EYS: variants seen among roughly 807,000 people sequenced by gnomAD.
EYS encodes the protein EGF-like photoreceptor maintenance factor, also known as protein eyes shut homolog.
In EYS, 250 loss-of-function variants were observed where a neutral mutation model predicts 282.1. The ratio of observed to expected loss-of-function variants is 0.89; its 90% CI spans 0.80 to 0.98. EYS has a LOEUF of 0.98. Among genes scored for constraint, EYS ranks in the 50% least tolerant of loss-of-function variants. EYS has a pLI of 0.00. For synonymous variants in EYS, 1,355 were observed against 1,282.9 expected (o/e 1.06, Z -1.20); for missense variants, 4,016 against 3,709.0 (o/e 1.08, Z -2.15).
chr6:64,151,267 ATAAAT>A (rs1254328601), intron 31 of EYS, among the ~76,000 whole-genome samples: 2 of 144,774 alleles, frequency 1.4e-5, no homozygotes, highest in African/African-American at 5.2e-5. Context: ...TTCAGTGAAA[ATAAAT>A]TACAGTGGAA....
intron 26 of EYS, among the ~76,000 whole-genome samples, chr6:64,567,428 C>T (rs906443180): frequency 1.3e-5 from 2 of 152,060 alleles, no homozygotes; most frequent in Non-Finnish European, 2.9e-5. Context: ...TGAAGACATT[C>T]TAGGTGTCAA....
At chr6:65,593,434 T>A (rs1238235210) in intron 2 of EYS, among the ~76,000 whole-genome samples, 1 of 152,174 alleles carries the variant, frequency 6.6e-6, no homozygotes, top group African/African-American at 2.4e-5. Flanking sequence ...ATCAATGCCT[T>A]AGGGCATGGG....
At position 64,046,285 on chromosome 6, in the gene EYS, C is replaced by T. The variant is rs145889728; in HGVS notation, c.6725+20053G>A. Among the ~76,000 whole-genome samples the T allele has an allele frequency of 9.2e-3, 1,397 of 151,940 alleles. 31 individuals are homozygous for T. The highest frequency in any genetic ancestry group is 0.031 in the African/African-American group (1,288 of 41,476). ...ACAATTTGAAGGGATCGATTTCAGACCTAAAATACAAAAAGGAATCTAAGG... is the reference window on the plus strand; with the variant it reads ...ACAATTTGAAGGGATCGATTTCAGATCTAAAATACAAAAAGGAATCTAAGG... On this transcript the variant is annotated intron_variant, in intron 33 of 42. Coordinates refer to ENST00000503581, the MANE Select transcript of EYS (RefSeq NM_001142800.2).
chr6:65,497,852 T>C (rs1010159652), intron 2 of EYS, among the ~76,000 whole-genome samples: 12 of 152,124 alleles, frequency 7.9e-5, no homozygotes, highest in South Asian at 2.1e-4. Context: ...GTCACAATTT[T>C]GAAGAACCTG....
At chr6:64,285,487 TG>T (rs1279104310) in intron 30 of EYS, among the ~76,000 whole-genome samples, 1 of 152,216 alleles carries the variant, frequency 6.6e-6, no homozygotes, top group East Asian at 1.9e-4. Flanking sequence ...TCAGTATTTT[TG>T]TCAAAGCCAT....
At chr6:63,981,985 T>C (rs954675383) in intron 35 of EYS, among the ~76,000 whole-genome samples, 5 of 151,994 alleles carry the variant, frequency 3.3e-5, no homozygotes, top group African/African-American at 1.2e-4. Context: ...ATATACATCC[T>C]GTTAGGAAGA....
At chr6:64,170,451 C>A (rs533046142) in intron 31 of EYS, among the ~76,000 whole-genome samples, 45 of 152,008 alleles carry the variant, frequency 3.0e-4, no homozygotes, top group African/African-American at 1.1e-3. Flanking sequence ...AAGGCCATAC[C>A]CCTTCTGAAG....
intron 2 of EYS, among the ~76,000 whole-genome samples, chr6:65,576,064 T>G (rs909929892): frequency 2.0e-5 from 3 of 151,968 alleles, no homozygotes; most frequent in Non-Finnish European, 4.4e-5. Flanking sequence ...AGATAATACT[T>G]CCAAATGGAT....
chr6:65,460,299 A>C (rs1764784057), intron 5 of EYS, among the ~76,000 whole-genome samples: 1 of 151,666 alleles, frequency 6.6e-6, no homozygotes, highest in African/African-American at 2.4e-5. Flanking sequence ...TTATATATAA[A>C]ATACAAATTT....
At chr6:63,959,694 G>A (rs1270506285) in intron 35 of EYS, among the ~76,000 whole-genome samples, 1 of 152,194 alleles carries the variant, frequency 6.6e-6, no homozygotes, top group Non-Finnish European at 1.5e-5. Flanking sequence ...TAAAAGGAAT[G>A]TGATCATGTC....
Position 64,591,464 on chromosome 6 carries a change from T to C in EYS, c.4403A>G (p.Asp1468Gly), listed in dbSNP as rs2149832138. 1.3e-6 allele frequency: 2 copies of C among 1,551,344 alleles called. No individual in the cohort carries two copies. Residue 1468 changes from aspartate to glycine, a missense_variant, in exon 26 of 43, where the codon GAT becomes GGT. Coordinates refer to ENST00000503581, the MANE Select transcript of EYS (RefSeq NM_001142800.2). Reference sequence around the variant, plus strand: ...AGAATCAGCTGAATATTCTTCAATATCCTCTTGAGCCCCCCTAGAGACAAC... The same window carrying C: ...AGAATCAGCTGAATATTCTTCAATACCCTCTTGAGCCCCCCTAGAGACAAC... The part of the protein sequence containing the change: ...TPVVSRGAQE[D>G]IEEYSADSLI...
At chr6:64,223,871 C>T (rs1766176182) in intron 31 of EYS, among the ~76,000 whole-genome samples, 1 of 151,998 alleles carries the variant, frequency 6.6e-6, no homozygotes, top group Non-Finnish European at 1.5e-5. Context: ...TGCATGCATA[C>T]ATGTACTTGC....
chr6:64,805,193 G>A (rs1764387990), intron 22 of EYS, among the ~76,000 whole-genome samples: 1 of 151,998 alleles, frequency 6.6e-6, no homozygotes, highest in East Asian at 1.9e-4. Context: ...AATTAAACGA[G>A]TAGTCTCATT....
intron 15 of EYS, among the ~76,000 whole-genome samples, chr6:64,927,817 T>C (rs1768568514): frequency 6.6e-6 from 1 of 152,084 alleles, no homozygotes; most frequent in African/African-American, 2.4e-5. Flanking sequence ...TTTATTAAGA[T>C]AAACATAGTA....
intron 36 of EYS, chr6:63,857,769 A>T (rs1317564996): frequency 4.4e-6 from 1 of 225,746 alleles, no homozygotes; most frequent in Non-Finnish European, 9.5e-6. Flanking sequence ...ACATTACAAC[A>T]CTGACAATTA....
intron 12 of EYS, among the ~76,000 whole-genome samples, chr6:65,082,032 A>T (rs182534614): frequency 6.6e-6 from 1 of 152,202 alleles, no homozygotes; most frequent in East Asian, 1.9e-4. Context: ...TCTAAGTCAT[A>T]AAACTTTACA....
intron 22 of EYS, among the ~76,000 whole-genome samples, chr6:64,773,831 T>C (rs1773598826): frequency 6.6e-6 from 1 of 151,856 alleles, no homozygotes; most frequent in African/African-American, 2.4e-5. Flanking sequence ...TTGTTTGTTT[T>C]TTGCTTGCAC....
chr6:64,281,451 G>A (rs770693651), intron 30 of EYS, among the ~76,000 whole-genome samples: 13 of 152,074 alleles, frequency 8.5e-5, no homozygotes, highest in Admixed American at 1.3e-4. Context: ...TGTGGATTAT[G>A]AATACCTAAC....
At chr6:65,031,845 C>T (rs1215147709) in intron 13 of EYS, among the ~76,000 whole-genome samples, 1 of 143,810 alleles carries the variant, frequency 7.0e-6, no homozygotes, top group East Asian at 1.9e-4. Flanking sequence ...ACAAACAAAC[C>T]TGAAAGTTAG....
Sources: allele counts gnomAD v4.1 joint callset (sites outside exome capture counted in the v4.1 genomes callset), GRCh38; gene constraint gnomAD v4.1.1; transcripts MANE v1.5; gene names NCBI Gene and HGNC (gene_info 2026-07-23, HGNC 2026-07-21).